The following CLINT1 variants were observed in gnomAD, a reference collection of about 807,000 sequenced individuals.
The protein encoded by CLINT1 is clathrin interactor 1, also known as clathrin interacting protein localized in the trans-Golgi region.
Under a neutral mutation model 70.4 loss-of-function variants are expected in CLINT1, and 15 were observed. The ratio of observed to expected loss-of-function variants is 0.21; its 90% confidence interval spans 0.14 to 0.33. The LOEUF (loss-of-function observed/expected upper bound fraction) is 0.33, where lower values mean the gene tolerates loss of function less well. Among genes scored for constraint, CLINT1 ranks in the 10% least tolerant of loss-of-function variants. The pLI is 1.00. For synonymous variants in CLINT1, 227 were observed against 254.7 expected (o/e 0.89, Z 1.04); for missense variants, 615 against 778.1 (o/e 0.79, Z 2.49).
At chr5:157,808,748 A>T (rs1201874948) in intron 6 of CLINT1, among the ~76,000 whole-genome samples, 1 of 152,110 alleles carries the variant, frequency 6.6e-6, no homozygotes, top group Non-Finnish European at 1.5e-5. Context: ...CTATTCTCAA[A>T]AACTGGTTCA....
chr5:157,812,142 A>G (rs1368944985), intron 5 of CLINT1, among the ~76,000 whole-genome samples: 3 of 148,254 alleles, frequency 2.0e-5, no homozygotes, highest in African/African-American at 7.7e-5. Context: ...TTTCTTTGAG[A>G]GTGGGAAAGC....
chr5:157,803,842 T>C, intron 7 of CLINT1, 123 bp from the exon 8 acceptor site: 1 of 577,312 alleles, frequency 1.7e-6, no homozygotes, highest in Non-Finnish European at 2.7e-6. Context: ...GGGTAGGGTT[T>C]TCTGGAAAAA....
chr5:157,809,499 A>C (rs1762481496), intron 6 of CLINT1, 129 bp downstream of exon 6: 2 of 410,318 alleles, frequency 4.9e-6, no homozygotes, highest in Admixed American at 1.1e-4. Flanking sequence ...AAGTCTATTA[A>C]AAAAAAAAAA....
At chr5:157,856,707 C>T (rs1561681684) in intron 1 of CLINT1, among the ~76,000 whole-genome samples, 2 of 152,144 alleles carry the variant, frequency 1.3e-5, no homozygotes, top group Non-Finnish European at 2.9e-5. Flanking sequence ...GTAAATCAAC[C>T]TCATGTTCTA....
chr5:157,816,914 C>A, intron 2 of CLINT1, 84 bp from the exon 3 acceptor site: 2 of 968,408 alleles, frequency 2.1e-6, no homozygotes, highest in Admixed American at 2.8e-5. Context: ...TGGTGTTTCC[C>A]TGAAGAGTTT....
intron 8 of CLINT1, among the ~76,000 whole-genome samples, chr5:157,800,775 G>A (rs1409031266): frequency 1.3e-5 from 2 of 152,140 alleles, no homozygotes; most frequent in African/African-American, 2.4e-5. Flanking sequence ...TTGCACTGGA[G>A]AAGACAAACC....
Position 157,787,545 on chromosome 5 carries a change from A to T in CLINT1, c.*101T>A. ...TTCTTTATGTAGATTTATTTTAATT[A>T]CTTGATAAAAGAAAGGGTAGTTGAT... On this transcript the variant is annotated 3_prime_UTR_variant, in exon 12 of 12. Transcript: ENST00000411809. 1 of 962,810 alleles carries T rather than the reference A, an allele frequency of 1.0e-6. No homozygotes were observed. Among genetic ancestry groups the T allele is most frequent in the Non-Finnish European group, 1.6e-6 (1 of 633,082 alleles). 59.6% of individuals were successfully genotyped at this position (962,810 alleles called of 1,614,324 possible). A position where few individuals can be genotyped will look rare whatever the true frequency, so the allele number is the denominator to read the frequency against.
At chr5:157,827,282 T>C (rs1481052071) in intron 1 of CLINT1, among the ~76,000 whole-genome samples, 1 of 152,148 alleles carries the variant, frequency 6.6e-6, no homozygotes, top group African/African-American at 2.4e-5. Context: ...AAAATGTCTA[T>C]ATAAGAGGAT....
intron 1 of CLINT1, among the ~76,000 whole-genome samples, chr5:157,837,025 A>G (rs1418504600): frequency 6.6e-6 from 1 of 152,200 alleles, no homozygotes; most frequent in Non-Finnish European, 1.5e-5. Context: ...GCTTCCTGTT[A>G]CTTCTGGTTA....
chr5:157,825,759 CT>C (rs531393460), intron 1 of CLINT1, among the ~76,000 whole-genome samples: 1 of 152,160 alleles, frequency 6.6e-6, no homozygotes, highest in East Asian at 1.9e-4. Context: ...GGACTGTATT[CT>C]TTTTTTAAAC....
At position 157,858,849 on chromosome 5, in the gene CLINT1, C is replaced by G. The variant is rs1050081853; in HGVS notation, c.41+81G>C. ...GAGCCAGGGGGCGTGACGTGGGCAA[C>G]CCCTAGCCCAAGGCCAGCTCCTTCT... On this transcript the variant is annotated intron_variant, in intron 1 of 11. Coordinates refer to ENST00000411809, the MANE Select transcript of CLINT1 (RefSeq NM_014666.4). 55 of 1,391,118 alleles carry G rather than the reference C, an allele frequency of 4.0e-5. No individual in the cohort carries two copies. The Admixed American group carries it at 1.1e-3, about 27-fold the overall frequency. The allele number at this position is 1,391,118 out of a possible 1,614,324, so 86.2% of individuals were successfully genotyped here. A position where few individuals can be genotyped will look rare whatever the true frequency, so the allele number is the denominator to read the frequency against.
chr5:157,834,755 T>C (rs1272395866), intron 1 of CLINT1, among the ~76,000 whole-genome samples: 1 of 152,110 alleles, frequency 6.6e-6, no homozygotes, highest in Non-Finnish European at 1.5e-5. Context: ...ACCCATAATT[T>C]CCCCCTTCCT....
chr5:157,790,095 G>C (rs558279413), intron 10 of CLINT1: 3 of 162,698 alleles, frequency 1.8e-5, no homozygotes, highest in Admixed American at 1.8e-4. Flanking sequence ...AGCTACTTGG[G>C]AGGCTAAGGC....
At chr5:157,807,200 C>T (rs996869158) in intron 6 of CLINT1, among the ~76,000 whole-genome samples, 1 of 151,874 alleles carries the variant, frequency 6.6e-6, no homozygotes, top group African/African-American at 2.4e-5. Context: ...AATCAAAGAT[C>T]AAAAAGAATG....
At chr5:157,816,689 T>C in intron 3 of CLINT1, 45 bp downstream of exon 3, 1 of 1,364,338 alleles carries the variant, frequency 7.3e-7, no homozygotes, top group Non-Finnish European at 1.0e-6. Flanking sequence ...TTTCCAGCAT[T>C]TGTTTTCAAC....
chr5:157,830,796 C>CTCTCTCTCTCTA (rs1300619885), intron 1 of CLINT1, among the ~76,000 whole-genome samples: 12 of 85,716 alleles, frequency 1.4e-4, no homozygotes, highest in East Asian at 3.5e-4. Context: ...CTCTCTCTCT[C>CTCTCTCTCTCTA]TATATATATA....
Position 157,791,693 on chromosome 5 carries a change from G to C in CLINT1, c.1380+10C>G. On this transcript the variant is annotated intron_variant, in intron 10 of 11. Transcript: ENST00000411809. ...TAAATAACAAATTCCAAGGGAACCA[G>C]ACAACTTACCTGTGATCTTGACATA... 2 of 1,597,666 alleles carry C rather than the reference G, an allele frequency of 1.3e-6. No individual in the cohort carries two copies. Among genetic ancestry groups the C allele is most frequent in the Non-Finnish European group, 1.7e-6 (2 of 1,171,656 alleles).
rs911266764 is a variant in CLINT1, at chr5:157,791,137, C to T, written c.1380+566G>A. Reference sequence around the variant, plus strand: ...GCAGTGGCGCGATCTCAGCTCACTGCAAGCTCCACCTCCTGGGTTCACGCC... The same window carrying T: ...GCAGTGGCGCGATCTCAGCTCACTGTAAGCTCCACCTCCTGGGTTCACGCC... On this transcript the variant is annotated intron_variant, in intron 10 of 11. Coordinates refer to ENST00000411809, the MANE Select transcript of CLINT1 (RefSeq NM_014666.4). Among the ~76,000 whole-genome samples, 6 of 152,106 alleles carry T rather than the reference C, an allele frequency of 3.9e-5. No homozygotes were observed. The South Asian group carries it at 8.3e-4, about 21-fold the overall frequency.
chr5:157,805,217 A>T (rs529792415), intron 7 of CLINT1, among the ~76,000 whole-genome samples: 2 of 152,342 alleles, frequency 1.3e-5, no homozygotes, highest in East Asian at 3.9e-4. Flanking sequence ...GCAAAGACAC[A>T]AACTGGGGAA....
Sources: allele counts gnomAD v4.1 joint callset (sites outside exome capture counted in the v4.1 genomes callset), GRCh38; gene constraint gnomAD v4.1.1; transcripts MANE v1.5; gene names NCBI Gene and HGNC (gene_info 2026-07-23, HGNC 2026-07-21).